TMEM117: variants seen among roughly 807,000 people sequenced by gnomAD.
The protein encoded by TMEM117 is transmembrane protein 117.
A neutral mutation model predicts 52.4 loss-of-function variants in TMEM117; 27 were observed. The ratio of observed to expected loss-of-function variants is 0.51; its 90% confidence interval spans 0.38 to 0.71. The LOEUF is 0.71. TMEM117 is among the 30% of genes least tolerant of loss of function. The probability of loss-of-function intolerance (pLI) is 0.00; values close to 1 mark genes in which losing one functional copy is unlikely to be tolerated. For synonymous variants in TMEM117, 215 were observed against 206.3 expected (o/e 1.04, Z -0.36); for missense variants, 556 against 630.5 (o/e 0.88, Z 1.26).
intron 3 of TMEM117, among the ~76,000 whole-genome samples, chr12:44,060,201 CTT>C (rs1436986502): frequency 2.6e-5 from 4 of 152,142 alleles, no homozygotes; most frequent in Admixed American, 6.6e-5. Context: ...TTGATTTTTT[CTT>C]CTTGTCTTCT....
At chr12:44,085,602 T>C (rs921704142) in intron 3 of TMEM117, among the ~76,000 whole-genome samples, 1 of 152,206 alleles carries the variant, frequency 6.6e-6, no homozygotes, top group Non-Finnish European at 1.5e-5. Flanking sequence ...AGAAAATACA[T>C]TGAGAAACAT....
At chr12:43,824,708 G>C in the TMEM117 span, among the ~76,000 whole-genome samples, 1 of 152,210 alleles carries the variant, frequency 6.6e-6, no homozygotes, top group East Asian at 1.9e-4. Context: ...GGCCGAGGCA[G>C]GCGGATCATG....
rs1421145463 is a variant in TMEM117, at chr12:44,180,817, G to C, written c.511-30473G>C. 1.4e-4 allele frequency among the ~76,000 whole-genome samples: 22 copies of C among 152,134 alleles called. No individual in the cohort carries two copies. In the East Asian group the frequency reaches 3.7e-3, roughly 25 times the overall value. On this transcript the variant is annotated intron_variant, in intron 4 of 7. Transcript: ENST00000266534. ...GAATAATGCCGCAATAAACATATGT[G>C]TGCATGTGTCTTTATAGCAGCATGA...
chr12:44,302,825 G>T (rs756226256), intron 6 of TMEM117, among the ~76,000 whole-genome samples: 3 of 152,140 alleles, frequency 2.0e-5, no homozygotes, highest in Non-Finnish European at 4.4e-5. Context: ...CAAGACATTT[G>T]AAAATATATA....
At chr12:44,290,234 C>A (rs995405726) in intron 5 of TMEM117, among the ~76,000 whole-genome samples, 2 of 151,382 alleles carry the variant, frequency 1.3e-5, no homozygotes, top group Non-Finnish European at 2.9e-5. Flanking sequence ...TTGATGTTAT[C>A]CCGTTTGCTT....
Position 43,972,424 on chromosome 12 carries a change from G to A in TMEM117, c.410+28082G>A, listed in dbSNP as rs142622441. On this transcript the variant is annotated intron_variant, in intron 3 of 7. Coordinates refer to ENST00000266534, the MANE Select transcript of TMEM117 (RefSeq NM_032256.3). ...AAGGTGGCATGGACCCAAAGAGTGA[G>A]CAGCAGCAGGATTTATTGTGAAGAG... is the stretch of plus-strand genomic sequence containing the variant. 7.9e-5 allele frequency among the ~76,000 whole-genome samples: 12 copies of A among 152,340 alleles called. No homozygotes were observed. The East Asian group carries it at 1.5e-3, about 20-fold the overall frequency.
At chr12:44,250,890 G>T (rs573382863) in intron 5 of TMEM117, among the ~76,000 whole-genome samples, 10 of 151,952 alleles carry the variant, frequency 6.6e-5, no homozygotes, top group Admixed American at 5.2e-4. Flanking sequence ...TAATGCATGC[G>T]GGGCTTAAAA....
chr12:43,938,434 T>C (rs1944989271), intron 2 of TMEM117, among the ~76,000 whole-genome samples: 1 of 151,976 alleles, frequency 6.6e-6, no homozygotes, highest in African/African-American at 2.4e-5. Flanking sequence ...TTTTCATCCA[T>C]GGACAACAAT....
At chr12:44,379,253 G>C (rs1951987361) in intron 7 of TMEM117, among the ~76,000 whole-genome samples, 1 of 152,088 alleles carries the variant, frequency 6.6e-6, no homozygotes, top group Non-Finnish European at 1.5e-5. Flanking sequence ...CCACTTGGGA[G>C]GCTGAGGTGG....
chr12:44,363,502 G>C (rs1488067885), intron 6 of TMEM117, among the ~76,000 whole-genome samples: 1 of 152,022 alleles, frequency 6.6e-6, no homozygotes, highest in South Asian at 2.1e-4. Context: ...GCAACCAATT[G>C]ATCATAATAT....
chr12:43,971,436 G>A (rs1226519614), intron 3 of TMEM117, among the ~76,000 whole-genome samples: 1 of 152,138 alleles, frequency 6.6e-6, no homozygotes, highest in Non-Finnish European at 1.5e-5. Flanking sequence ...TTGCCCAAAG[G>A]CTAAGTTCCA....
the TMEM117 span, among the ~76,000 whole-genome samples, chr12:43,827,334 T>C: frequency 6.6e-6 from 1 of 152,192 alleles, no homozygotes. Context: ...TTGAGCTTTA[T>C]CTTCCTCACC....
chr12:44,129,975 G>A (rs1171952390), intron 3 of TMEM117, among the ~76,000 whole-genome samples: 1 of 152,030 alleles, frequency 6.6e-6, no homozygotes, highest in African/African-American at 2.4e-5. Flanking sequence ...TAATTGCACA[G>A]CCTCGATCAT....
intron 3 of TMEM117, among the ~76,000 whole-genome samples, chr12:44,094,071 C>T (rs894438421): frequency 2.0e-5 from 3 of 152,074 alleles, no homozygotes; most frequent in African/African-American, 4.8e-5. Flanking sequence ...TGATGTATTA[C>T]GACCCTTGTT....
At chr12:44,282,077 A>G (rs767966710) in intron 5 of TMEM117, among the ~76,000 whole-genome samples, 4 of 152,080 alleles carry the variant, frequency 2.6e-5, no homozygotes, top group Non-Finnish European at 4.4e-5. Context: ...TGATGGGTTT[A>G]TCAGGGGTTT....
intron 2 of TMEM117, among the ~76,000 whole-genome samples, chr12:43,877,890 AACAC>A (rs369405497): frequency 0.06 from 8,530 of 143,014 alleles, 294 homozygotes; most frequent in Middle Eastern, 0.13. Flanking sequence ...GTAAAAACAA[AACAC>A]ACACACACAC....
At chr12:44,030,932 G>T (rs940929788) in intron 3 of TMEM117, among the ~76,000 whole-genome samples, 3 of 152,106 alleles carry the variant, frequency 2.0e-5, no homozygotes, top group African/African-American at 7.2e-5. Flanking sequence ...AGCACAACAG[G>T]TTTTTCTTAA....
intron 3 of TMEM117, among the ~76,000 whole-genome samples, chr12:44,036,791 C>A (rs1200855000): frequency 6.6e-6 from 1 of 152,104 alleles, no homozygotes; most frequent in Non-Finnish European, 1.5e-5. Flanking sequence ...TTACATAATG[C>A]CAAATGATTA....
intron 3 of TMEM117, among the ~76,000 whole-genome samples, chr12:44,097,095 C>G (rs969880915): frequency 6.6e-6 from 1 of 152,094 alleles, no homozygotes; most frequent in Non-Finnish European, 1.5e-5. Context: ...ATTTATGCAG[C>G]CAAAAAACAC....
Sources: gnomAD v4.1 joint callset for allele counts (sites outside exome capture counted in the v4.1 genomes callset) on GRCh38, gnomAD v4.1.1 for gene constraint, MANE v1.5 for transcripts, NCBI Gene and HGNC (gene_info 2026-07-23, HGNC 2026-07-21) for gene names.